The following CPEB3 variants were observed in gnomAD, a reference collection of about 807,000 sequenced individuals.
CPEB3 encodes the protein cytoplasmic polyadenylation element-binding protein 3.
In CPEB3, 20 loss-of-function variants were observed where a neutral mutation model predicts 67.2. The ratio of observed to expected loss-of-function variants is 0.30; its 90% CI spans 0.21 to 0.43. The LOEUF is 0.43. CPEB3 is among the 20% of genes least tolerant of loss of function. The probability of loss-of-function intolerance (pLI) is 1.00; values close to 1 mark genes in which losing one functional copy is unlikely to be tolerated. For missense variants in CPEB3, 746 were observed against 968.6 expected (o/e 0.77, Z 3.05); for synonymous variants, 376 against 393.1 (o/e 0.96, Z 0.51).
At chr10:92,247,057 G>A (rs1377165528) in intron 1 of CPEB3, among the ~76,000 whole-genome samples, 1 of 152,028 alleles carries the variant, frequency 6.6e-6, no homozygotes, top group Non-Finnish European at 1.5e-5. Context: ...CCCCTAAAAT[G>A]AGCCTCAAAT....
intron 2 of CPEB3, among the ~76,000 whole-genome samples, chr10:92,234,095 G>T (rs1302668940): frequency 2.5e-5 from 3 of 122,040 alleles, no homozygotes; most frequent in Non-Finnish European, 5.0e-5. Flanking sequence ...AACAGAGTGA[G>T]ACTTTGTCTC....
intron 7 of CPEB3, among the ~76,000 whole-genome samples, chr10:92,104,894 ATTTCT>A (rs959546091): frequency 7.9e-5 from 12 of 151,950 alleles, no homozygotes; most frequent in Non-Finnish European, 1.0e-4. Context: ...CCGAACCATG[ATTTCT>A]TTTCTTTTCT....
intron 7 of CPEB3, among the ~76,000 whole-genome samples, chr10:92,095,734 C>T (rs9794213): frequency 6.7e-6 from 1 of 150,332 alleles, no homozygotes; most frequent in Non-Finnish European, 1.5e-5. Context: ...TTTTAATTAT[C>T]TTTGTTTCTT....
chr10:92,279,650 A>C (rs1004243650), intron 1 of CPEB3, among the ~76,000 whole-genome samples: 4 of 152,318 alleles, frequency 2.6e-5, no homozygotes, highest in Non-Finnish European at 5.9e-5. Context: ...TTTAAAGTCA[A>C]GTTTTAGGAG....
chr10:92,188,320 T>TAAAAAAAAAAAAAAAA (rs756970118), intron 3 of CPEB3, among the ~76,000 whole-genome samples: 1 of 36,966 alleles, frequency 2.7e-5, no homozygotes, highest in Non-Finnish European at 4.6e-5. Flanking sequence ...TAAGACATAG[T>TAAAAAAAAAAAAAAAA]AAAAAAAAAA....
intron 4 of CPEB3, among the ~76,000 whole-genome samples, chr10:92,157,932 C>T (rs1030135434): frequency 1.3e-5 from 2 of 151,292 alleles, no homozygotes; most frequent in African/African-American, 4.9e-5. Flanking sequence ...AACATCACAC[C>T]ATATGATAAT....
At chr10:92,171,788 T>A (rs1424284849) in intron 4 of CPEB3, among the ~76,000 whole-genome samples, 1 of 152,142 alleles carries the variant, frequency 6.6e-6, no homozygotes, top group African/African-American at 2.4e-5. Context: ...CTAATTTTTG[T>A]ATTTTTACTA....
intron 1 of CPEB3, among the ~76,000 whole-genome samples, chr10:92,273,845 C>A (rs972804835): frequency 2.6e-5 from 4 of 152,112 alleles, no homozygotes; most frequent in Non-Finnish European, 5.9e-5. Context: ...CTTTTCCTTG[C>A]TCTTTTACAT....
At chr10:92,143,695 C>T (rs1333991641) in intron 5 of CPEB3, among the ~76,000 whole-genome samples, 1 of 151,896 alleles carries the variant, frequency 6.6e-6, no homozygotes, top group Non-Finnish European at 1.5e-5. Flanking sequence ...TTATATTTTC[C>T]CTCTGACATA....
intron 1 of CPEB3, among the ~76,000 whole-genome samples, chr10:92,249,286 G>A (rs567355979): frequency 2.0e-5 from 3 of 152,090 alleles, no homozygotes; most frequent in Non-Finnish European, 2.9e-5. Context: ...GGCTGAGGCC[G>A]GAGAATCTCT....
rs1157820104 is a variant in CPEB3 at position 92,050,711 on chromosome 10, A to C, written c.*1501T>G. ...CAACCAACTCTGCCCAGGCCATCTT[A>C]TTTTGTACAGACATTTCTTTAGCAT... On this transcript the variant is annotated 3_prime_UTR_variant, in exon 10 of 10. Coordinates refer to ENST00000265997, the MANE Select transcript of CPEB3 (RefSeq NM_014912.5). The C allele has an allele frequency of 6.6e-6, 1 of 152,566 alleles. No homozygotes were observed. The highest frequency in any genetic ancestry group is 1.5e-5 in the Non-Finnish European group (1 of 68,034). The allele number at this position is 152,566 out of a possible 1,614,324, so 9.5% of individuals were successfully genotyped here. A position where few individuals can be genotyped will look rare whatever the true frequency, so the allele number is the denominator to read the frequency against.
intron 1 of CPEB3, among the ~76,000 whole-genome samples, chr10:92,276,353 A>G (rs1841988877): frequency 7.1e-6 from 1 of 140,504 alleles, no homozygotes; most frequent in African/African-American, 2.7e-5. Flanking sequence ...ATCTCGGGTC[A>G]CTGCAACCTC....
rs188198478 is a variant in CPEB3 at position 92,175,567 on chromosome 10, G to A, written c.1222+5396C>T. Among the ~76,000 whole-genome samples the A allele has an allele frequency of 4.1e-3, 619 of 152,204 alleles. 6 individuals are homozygous for A. Among genetic ancestry groups the A allele is most frequent in the Middle Eastern group, 0.017 (5 of 294 alleles). On this transcript the variant is annotated intron_variant, in intron 4 of 9. Transcript: ENST00000265997. The stretch of plus-strand genomic sequence containing the variant: ...TTATTAATACATTCCAAACAGCAGC[G>A]TGTGACACTTTTTAAAGTGCCAACA...
intron 3 of CPEB3, among the ~76,000 whole-genome samples, chr10:92,191,284 C>T (rs1848969820): frequency 6.6e-6 from 1 of 151,686 alleles, no homozygotes; most frequent in Non-Finnish European, 1.5e-5. Context: ...CACCTGTAAT[C>T]CCAGCTACTT....
chr10:92,289,732 A>AAAAAAAAAAAAT lies in CPEB3; in HGVS notation c.-12+1193_-12+1194insATTTTTTTTTTT. On this transcript the variant is annotated intron_variant, in intron 1 of 9. Transcript: ENST00000265997. ...CGCGTCTCTACCAAAAAAAAAAAAA[A>AAAAAAAAAAAAT]ATATATATATATATATATATATATA... is the stretch of plus-strand genomic sequence containing the variant. Among the ~76,000 whole-genome samples the AAAAAAAAAAAAT allele has an allele frequency of 6.1e-4, 46 of 75,758 alleles. 1 individual carries two copies. Among genetic ancestry groups the AAAAAAAAAAAAT allele is most frequent in the Admixed American group, 9.4e-4 (5 of 5,318 alleles). 49.7% of individuals were successfully genotyped at this position (75,758 alleles called of 152,430 possible). A position where few individuals can be genotyped will look rare whatever the true frequency, so the allele number is the denominator to read the frequency against.
chr10:92,076,872 G>A (rs1241524372), intron 9 of CPEB3, among the ~76,000 whole-genome samples: 2 of 151,828 alleles, frequency 1.3e-5, no homozygotes, highest in Non-Finnish European at 1.5e-5. Context: ...GGAGGAAAGG[G>A]GGAAGGGAAA....
intron 7 of CPEB3, among the ~76,000 whole-genome samples, chr10:92,094,698 T>C (rs919806402): frequency 3.3e-5 from 5 of 152,062 alleles, no homozygotes; most frequent in Non-Finnish European, 7.4e-5. Flanking sequence ...GATTCACTAA[T>C]ACCATAAAGC....
At chr10:92,217,206 CAAAAAAAAAAAA>C (rs1163974877) in intron 2 of CPEB3, among the ~76,000 whole-genome samples, 1 of 25,436 alleles carries the variant, frequency 3.9e-5, no homozygotes, top group Non-Finnish European at 6.3e-5. Context: ...GACTCTGCCT[CAAAAAAAAAAAA>C]AAAAAAAAAA....
At chr10:92,096,736 G>A (rs138868977) in intron 7 of CPEB3, among the ~76,000 whole-genome samples, 2 of 152,206 alleles carry the variant, frequency 1.3e-5, no homozygotes, top group African/African-American at 4.8e-5. Flanking sequence ...TTGAGGTCAG[G>A]AGTTCGACAC....
Sources: allele counts gnomAD v4.1 joint callset (sites outside exome capture counted in the v4.1 genomes callset), GRCh38; gene constraint gnomAD v4.1.1; transcripts MANE v1.5; gene names NCBI Gene and HGNC (gene_info 2026-07-23, HGNC 2026-07-21).